The following PCED1B variants were observed in gnomAD, a reference collection of about 807,000 sequenced individuals.
PCED1B encodes the protein PC-esterase domain-containing protein 1B.
For missense variants in PCED1B, 573 were observed against 573.9 expected, an observed-to-expected ratio of 1.00 and a Z score of 0.02; for synonymous variants, 251 against 246.1, an observed-to-expected ratio of 1.02 and a Z score of -0.19.
At chr12:47,151,032 G>T (rs1434582764) in intron 2 of PCED1B, among the ~76,000 whole-genome samples, 3 of 151,830 alleles carry the variant, frequency 2.0e-5, no homozygotes, top group African/African-American at 7.3e-5. Flanking sequence ...AAGTAACTTT[G>T]AAAAATAGTA....
At chr12:47,095,936 G>C (rs899868382) in intron 1 of PCED1B, among the ~76,000 whole-genome samples, 2 of 151,982 alleles carry the variant, frequency 1.3e-5, no homozygotes, top group African/African-American at 2.4e-5. Flanking sequence ...CTCTGTCTCA[G>C]GTACTTTATA....
intron 3 of PCED1B, among the ~76,000 whole-genome samples, chr12:47,228,043 T>TTG (rs1408149014): frequency 4.0e-5 from 6 of 151,352 alleles, no homozygotes; most frequent in African/African-American, 9.7e-5. Context: ...TTTTCCTTTT[T>TTG]TTTTTTTTGA....
intron 2 of PCED1B, chr12:47,210,440 A>C (rs1487046059): frequency 1.3e-5 from 2 of 152,232 alleles, no homozygotes; most frequent in Admixed American, 6.5e-5. Flanking sequence ...GATAAATGAA[A>C]GTAATGTCTG....
intron 1 of PCED1B, among the ~76,000 whole-genome samples, chr12:47,086,869 TA>T (rs1938013261): frequency 1.3e-5 from 2 of 152,342 alleles, no homozygotes; most frequent in South Asian, 4.1e-4. Context: ...TTATGCCCTT[TA>T]AAAAATTGGA....
At chr12:47,217,425 AAG>A (rs1943295647) in intron 3 of PCED1B, among the ~76,000 whole-genome samples, 1 of 134,836 alleles carries the variant, frequency 7.4e-6, no homozygotes. Flanking sequence ...GAGACAGAGA[AAG>A]AAGAAAAAAA....
At chr12:47,123,437 T>C (rs1939761618) in intron 2 of PCED1B, among the ~76,000 whole-genome samples, 1 of 152,202 alleles carries the variant, frequency 6.6e-6, no homozygotes, top group Admixed American at 6.5e-5. Context: ...TTTTATGACA[T>C]CAATTATCTA....
chr12:47,083,756 G>T (rs1459549324), intron 1 of PCED1B, among the ~76,000 whole-genome samples: 1 of 152,118 alleles, frequency 6.6e-6, no homozygotes, highest in African/African-American at 2.4e-5. Flanking sequence ...TTACTTGGCT[G>T]GAAATGGGGG....
chr12:47,154,458 C>T (rs1266975343), intron 2 of PCED1B, among the ~76,000 whole-genome samples: 1 of 152,152 alleles, frequency 6.6e-6, no homozygotes, highest in African/African-American at 2.4e-5. Context: ...TCAGCCACCA[C>T]GTAGAGTCCC....
At chr12:47,101,755 T>C (rs1315231337) in intron 1 of PCED1B, among the ~76,000 whole-genome samples, 1 of 152,158 alleles carries the variant, frequency 6.6e-6, no homozygotes, top group African/African-American at 2.4e-5. Flanking sequence ...GAGGCCAGCC[T>C]GATTAACAGG....
At chr12:47,138,115 T>C (rs1462071616) in intron 2 of PCED1B, 1 of 152,210 alleles carries the variant, frequency 6.6e-6, no homozygotes, top group Non-Finnish European at 1.5e-5. Flanking sequence ...GTACCAGACA[T>C]GGTAAACAGA....
intron 2 of PCED1B, chr12:47,209,201 C>A (rs1265290164): frequency 6.6e-6 from 1 of 152,258 alleles, no homozygotes; most frequent in Non-Finnish European, 1.5e-5. Context: ...GAAGTCCTTT[C>A]CCTTTTCTGA....
intron 2 of PCED1B, among the ~76,000 whole-genome samples, chr12:47,200,895 T>A (rs1200873121): frequency 6.6e-6 from 1 of 152,236 alleles, no homozygotes; most frequent in Non-Finnish European, 1.5e-5. Context: ...ATTTAAATTC[T>A]GTTTCCCCAG....
chr12:47,116,749 A>C (rs117274345), intron 2 of PCED1B, among the ~76,000 whole-genome samples: 2 of 152,176 alleles, frequency 1.3e-5, no homozygotes, highest in African/African-American at 4.8e-5. Context: ...ATTCAGAACA[A>C]CATTAAGTAG....
chr12:47,126,379 C>T (rs1939889178), intron 2 of PCED1B, among the ~76,000 whole-genome samples: 1 of 151,992 alleles, frequency 6.6e-6, no homozygotes, highest in South Asian at 2.1e-4. Flanking sequence ...AACTATTATC[C>T]TATTTATGTA....
intron 2 of PCED1B, among the ~76,000 whole-genome samples, chr12:47,169,628 A>T (rs1273781816): frequency 6.6e-6 from 1 of 152,124 alleles, no homozygotes; most frequent in East Asian, 1.9e-4. Context: ...TTGCATTTCT[A>T]ACACTTTATA....
At chr12:47,142,069 G>A (rs12581006) in intron 2 of PCED1B, among the ~76,000 whole-genome samples, 38,983 of 152,090 alleles carry the variant, frequency 0.26, 5,985 homozygotes, top group East Asian at 0.45. Context: ...TCTGGCAACA[G>A]GCCTGCCAGC....
chr12:47,174,578 G>A (rs1317092007), intron 2 of PCED1B, among the ~76,000 whole-genome samples: 1 of 152,154 alleles, frequency 6.6e-6, no homozygotes, highest in Admixed American at 6.5e-5. Flanking sequence ...ACTGGTCCTG[G>A]TATGCCTCAG....
intron 3 of PCED1B, among the ~76,000 whole-genome samples, chr12:47,234,649 C>T (rs1002530033): frequency 6.6e-6 from 1 of 152,166 alleles, no homozygotes; most frequent in African/African-American, 2.4e-5. Flanking sequence ...TTCTGGGCTG[C>T]CTCCAGGCTC....
intron 2 of PCED1B, among the ~76,000 whole-genome samples, chr12:47,183,022 T>C (rs1942145171): frequency 6.6e-6 from 1 of 152,164 alleles, no homozygotes; most frequent in African/African-American, 2.4e-5. Context: ...CTCTTTTTTT[T>C]TTTGGCAATG....
Sources: allele counts gnomAD v4.1 joint callset (sites outside exome capture counted in the v4.1 genomes callset), GRCh38; gene constraint gnomAD v4.1.1; transcripts MANE v1.5; gene names NCBI Gene and HGNC (gene_info 2026-07-23, HGNC 2026-07-21).